The following RTN4RL2 variants were observed in gnomAD, a reference collection of about 807,000 sequenced individuals.
RTN4RL2 encodes reticulon 4 receptor like 2.
Under a neutral mutation model 27.8 loss-of-function variants are expected in RTN4RL2, and 9 were observed. That is an observed-to-expected ratio of 0.32 (90% CI 0.20 to 0.57). RTN4RL2 has a LOEUF of 0.57. Among genes scored for constraint, RTN4RL2 ranks in the 20% least tolerant of loss-of-function variants. The probability of loss-of-function intolerance (pLI) is 0.90; values close to 1 mark genes in which losing one functional copy is unlikely to be tolerated. For missense variants in RTN4RL2, 436 were observed against 596.8 expected, an observed-to-expected ratio of 0.73 and a Z score of 2.81; for synonymous variants, 285 against 297.9, an observed-to-expected ratio of 0.96 and a Z score of 0.45.
chr11:57,472,018 C>A (rs1334966648), intron 2 of RTN4RL2, among the ~76,000 whole-genome samples: 3 of 152,028 alleles, frequency 2.0e-5, no homozygotes, highest in African/African-American at 4.8e-5. Flanking sequence ...GCTACCATGC[C>A]TGGCTAATTT....
intron 2 of RTN4RL2, among the ~76,000 whole-genome samples, chr11:57,474,072 G>T (rs1943580857): frequency 1.3e-5 from 2 of 152,148 alleles, no homozygotes; most frequent in South Asian, 2.1e-4. Context: ...GTTTTGAGTG[G>T]CAGGGATTCC....
rs911895095 is a variant in RTN4RL2, at chr11:57,476,531, C to G, written c.883C>G (p.Gln295Glu). 2.8e-6 allele frequency: 4 copies of G among 1,444,240 alleles called. No homozygotes were observed. Among genetic ancestry groups the G allele is most frequent in the Middle Eastern group, 1.8e-4 (1 of 5,678 alleles). 89.5% of individuals were successfully genotyped at this position (1,444,240 alleles called of 1,614,324 possible). The change falls in exon 3 of 3, where the codon CAG becomes GAG. Residue 295 changes from glutamine to glutamate, a missense_variant. Gln to Glu is a conservative substitution (Grantham distance 29). Transcript: ENST00000335099. The surrounding 1 kb of genome is among the most constrained non-coding windows in gnomAD (Gnocchi z 8.2). ...DVTCATPPER[Q>E]GRDLRALREA... ...GACCTGCGCCACCCCCCCGGAGCGC[C>G]AGGGCCGAGACCTGCGCGCGCTCCG... is the stretch of plus-strand genomic sequence containing the variant.
chr11:57,476,643 ACGGGGTGGCCGAGGC>A lies in RTN4RL2; in HGVS notation c.1001_1015del (p.Val334_Gly338del). 2 of 1,411,476 alleles carry A rather than the reference ACGGGGTGGCCGAGGC, an allele frequency of 1.4e-6. No individual in the cohort carries two copies. Among genetic ancestry groups the A allele is most frequent in the Non-Finnish European group, 1.8e-6 (2 of 1,092,124 alleles). 87.4% of individuals were successfully genotyped at this position (1,411,476 alleles called of 1,614,324 possible). On this transcript the variant is annotated inframe_deletion, in exon 3 of 3. Transcript: ENST00000335099. The surrounding 1 kb of genome is among the most constrained non-coding windows in gnomAD (Gnocchi z 8.2). Reference sequence around the variant, plus strand: ...GGCAACAGCTCCTCCAACCACCTGTACGGGGTGGCCGAGGCCGGGGCGCCCCCAGCCGATCCCTCC... The same window carrying A: ...GGCAACAGCTCCTCCAACCACCTGTACGGGGCGCCCCCAGCCGATCCCTCC...
Sources: gnomAD v4.1 joint callset for allele counts (sites outside exome capture counted in the v4.1 genomes callset) on GRCh38, gnomAD v4.1.1 for gene constraint, Gnocchi (gnomAD v3.1) non-coding constraint, MANE v1.5 for transcripts, NCBI Gene and HGNC (gene_info 2026-07-23, HGNC 2026-07-21) for gene names.